CDKL3: variants seen among roughly 807,000 people sequenced by gnomAD.
The protein encoded by CDKL3 is cyclin-dependent kinase-like 3.
CDKL3 carries 65 observed loss-of-function variants against 69.3 expected under a neutral mutation model. The observed-to-expected ratio is 0.94, with a 90% CI of 0.77 to 1.15. The LOEUF (loss-of-function observed/expected upper bound fraction) is 1.15. Ranked by LOEUF, CDKL3 falls within the 50% of genes most tolerant of loss-of-function variation. The pLI is 0.00. For missense variants in CDKL3, 652 were observed against 689.2 expected (o/e 0.95, Z 0.61); for synonymous variants, 202 against 221.6 (o/e 0.91, Z 0.79).
chr5:134,367,204 G>C (rs1412624114), upstream of CDKL3: 4 of 985,686 alleles, frequency 4.1e-6, no homozygotes, highest in Admixed American at 2.5e-4. Context: ...CATGGGCAGG[G>C]TCCCGACCCG....
intron 8 of CDKL3, among the ~76,000 whole-genome samples, chr5:134,290,298 T>C (rs975244875): frequency 2.2e-5 from 3 of 133,756 alleles, no homozygotes; most frequent in South Asian, 2.2e-4. Flanking sequence ...GAAGTTGCAG[T>C]GAGCCGAGAT....
chr5:134,297,044 C>G (rs1051690006), downstream of CDKL3, among the ~76,000 whole-genome samples: 8 of 151,356 alleles, frequency 5.3e-5, no homozygotes, highest in Admixed American at 1.3e-4. Flanking sequence ...CTCTGCCTCC[C>G]GGATTCAAGT....
chr5:134,361,211 A>G (rs1755919826), intron 2 of CDKL3, among the ~76,000 whole-genome samples: 1 of 152,142 alleles, frequency 6.6e-6, no homozygotes, highest in South Asian at 2.1e-4. Flanking sequence ...TGTTCAAACT[A>G]TCAAGAATAT....
intron 4 of CDKL3, among the ~76,000 whole-genome samples, chr5:134,346,438 C>T (rs1751889079): frequency 6.6e-6 from 1 of 152,196 alleles, no homozygotes; most frequent in African/African-American, 2.4e-5. Context: ...CTCTTGCTAA[C>T]CTATCTTTTG....
At chr5:134,368,390 G>A (rs1343965048), upstream of CDKL3, among the ~76,000 whole-genome samples, 6 of 152,166 alleles carry the variant, frequency 3.9e-5, no homozygotes, top group East Asian at 1.9e-4. Context: ...AGGCCCAGGC[G>A]GGCGGATCAC....
At chr5:134,327,802 G>A (rs935266877) in intron 4 of CDKL3, among the ~76,000 whole-genome samples, 4 of 152,184 alleles carry the variant, frequency 2.6e-5, no homozygotes, top group Non-Finnish European at 2.9e-5. Context: ...AGCTATCAAC[G>A]AGTGGAGTTT....
chr5:134,312,167 T>G (rs1486119236), intron 7 of CDKL3, 125 bp downstream of exon 7: 3 of 651,318 alleles, frequency 4.6e-6, no homozygotes, highest in Non-Finnish European at 8.2e-6. Context: ...ATACAATAAC[T>G]CAATAAATTT....
In CDKL3 at chr5:134,355,784, A is replaced by G. The variant is rs184255127; in HGVS notation, c.360+4113T>C. Among the ~76,000 whole-genome samples the G allele has an allele frequency of 2.0e-5, 3 of 152,348 alleles. No homozygotes were observed. In the East Asian group the frequency reaches 5.8e-4, roughly 29 times the overall value. Reference sequence around the variant, plus strand: ...TCATTCTGCGGTATTTCCTAAGCACAGGCCTTAAGAATTAAAGCTAAGCCG... The same window carrying G: ...TCATTCTGCGGTATTTCCTAAGCACGGGCCTTAAGAATTAAAGCTAAGCCG... On this transcript the variant is annotated intron_variant, in intron 3 of 12. Coordinates refer to ENST00000265334, the MANE Select transcript of CDKL3 (RefSeq NM_001113575.2).
At chr5:134,307,893 T>C (rs531547722) in intron 9 of CDKL3, 97 of 432,796 alleles carry the variant, frequency 2.2e-4, no homozygotes, top group African/African-American at 2.2e-3. Flanking sequence ...TCAAAGGGTC[T>C]TTTTTTTTAA....
intron 11 of CDKL3, among the ~76,000 whole-genome samples, chr5:134,303,095 AT>A (rs1237701621): frequency 1.1e-3 from 157 of 145,552 alleles, no homozygotes; most frequent in Admixed American, 2.1e-3. Context: ...AAGTTCATAA[AT>A]TTTTTTTTTT....
chr5:134,348,524 C>T (rs925233937), intron 4 of CDKL3, among the ~76,000 whole-genome samples: 8 of 151,886 alleles, frequency 5.3e-5, no homozygotes, highest in African/African-American at 1.7e-4. Flanking sequence ...TTTGGTTATG[C>T]AGAATACAAG....
intron 10 of CDKL3, 140 bp from the exon 11 acceptor site, chr5:134,304,707 A>T: frequency 3.7e-6 from 2 of 546,222 alleles, no homozygotes; most frequent in East Asian, 6.4e-5. Context: ...AGAATAGAAC[A>T]CTATTGAACA....
chr5:134,358,637 T>C (rs981041124), intron 3 of CDKL3, among the ~76,000 whole-genome samples: 1 of 152,094 alleles, frequency 6.6e-6, no homozygotes, highest in African/African-American at 2.4e-5. Context: ...ACTTACAGAA[T>C]CTTGCTCTGT....
chr5:134,347,274 A>G (rs1206042204), intron 4 of CDKL3, among the ~76,000 whole-genome samples: 3 of 152,094 alleles, frequency 2.0e-5, no homozygotes, highest in Non-Finnish European at 2.9e-5. Flanking sequence ...ACATGGAGAC[A>G]CTGAAACTCT....
At chr5:134,321,966 A>G in intron 4 of CDKL3, 63 bp from the exon 5 acceptor site, 1 of 876,420 alleles carries the variant, frequency 1.1e-6, no homozygotes, top group Non-Finnish European at 1.8e-6. Context: ...TATATTCTTA[A>G]AAATATGTTT....
At chr5:134,347,638 G>A (rs1330852103) in intron 4 of CDKL3, among the ~76,000 whole-genome samples, 2 of 149,014 alleles carry the variant, frequency 1.3e-5, no homozygotes, top group Non-Finnish European at 3.0e-5. Flanking sequence ...GAGAGGCCGA[G>A]GCGAGCAGAT....
intron 4 of CDKL3, among the ~76,000 whole-genome samples, chr5:134,339,417 T>A (rs186052159): frequency 6.6e-6 from 1 of 152,222 alleles, no homozygotes; most frequent in East Asian, 1.9e-4. Flanking sequence ...AAATAGACTT[T>A]TAACAAAAAA....
intron 8 of CDKL3, among the ~76,000 whole-genome samples, chr5:134,293,399 G>C (rs1460890344): frequency 6.6e-6 from 1 of 152,002 alleles, no homozygotes; most frequent in African/African-American, 2.4e-5. Flanking sequence ...GGGGAGTGCT[G>C]GGGGGCAGGA....
rs1767200980 is a variant in CDKL3, at chr5:134,304,459, G to A, written c.1567C>T (p.His523Tyr). The A allele has an allele frequency of 6.2e-7, 1 of 1,612,532 alleles. No individual in the cohort carries two copies. The highest frequency in any genetic ancestry group is 8.5e-7 in the Non-Finnish European group (1 of 1,179,320). ...ATTGTGACAGGCAATTCTGGAAAAT[G>A]GAATTCTTTCCTGTCAGATCTGGAA... ...NFSRSDRKEF[H>Y]FPELPVTIQS... The change falls in exon 11 of 13, where the codon CAT becomes TAT. Residue 523 changes from histidine to tyrosine, a missense_variant. Coordinates refer to ENST00000265334, the MANE Select transcript of CDKL3 (RefSeq NM_001113575.2).
Sources: allele counts gnomAD v4.1 joint callset (sites outside exome capture counted in the v4.1 genomes callset), GRCh38; gene constraint gnomAD v4.1.1; transcripts MANE v1.5; gene names NCBI Gene and HGNC (gene_info 2026-07-23, HGNC 2026-07-21).